Variants in TANK observed in about 807,000 individuals in gnomAD.
TANK encodes the protein TRAF family member-associated NF-kappa-B activator.
In TANK, 15 loss-of-function variants were observed where a neutral mutation model predicts 43.6. The ratio of observed to expected loss-of-function variants is 0.34; its 90% CI spans 0.23 to 0.53. The LOEUF is 0.53. TANK is among the 20% of genes least tolerant of loss of function. The probability of loss-of-function intolerance (pLI) is 0.94; values close to 1 mark genes in which losing one functional copy is unlikely to be tolerated. For missense variants in TANK, 417 were observed against 498.6 expected, an observed-to-expected ratio of 0.84 and a Z score of 1.56; for synonymous variants, 162 against 178.2, an observed-to-expected ratio of 0.91 and a Z score of 0.73.
At chr2:161,139,785 C>G in intron 1 of TANK, 4 of 985,390 alleles carry the variant, frequency 4.1e-6, no homozygotes, top group Non-Finnish European at 4.8e-6. Flanking sequence ...GTAACCCTAT[C>G]CAGGCATAGC....
At chr2:161,181,932 T>A (rs1365271801) in intron 2 of TANK, among the ~76,000 whole-genome samples, 1 of 151,930 alleles carries the variant, frequency 6.6e-6, no homozygotes, top group African/African-American at 2.4e-5. Context: ...AAAAAAAAAA[T>A]TACTAGCCTG....
chr2:161,207,723 T>C, intron 4 of TANK: 10 of 985,146 alleles, frequency 1.0e-5, no homozygotes, highest in Non-Finnish European at 1.2e-5. Context: ...CACCTTTAGC[T>C]AATACAGGTG....
At chr2:161,191,235 T>A (rs1182344071) in intron 2 of TANK, among the ~76,000 whole-genome samples, 1 of 152,202 alleles carries the variant, frequency 6.6e-6, no homozygotes, top group Non-Finnish European at 1.5e-5. Context: ...AACAGATAAG[T>A]GATTTTTAAA....
chr2:161,216,441 C>T (rs943423154), intron 4 of TANK: 5 of 468,794 alleles, frequency 1.1e-5, no homozygotes, highest in Admixed American at 9.5e-5. Flanking sequence ...TTATCCTGAG[C>T]CGTAAGCATA....
chr2:161,154,569 A>G (rs1295237039), intron 1 of TANK, among the ~76,000 whole-genome samples: 2 of 152,186 alleles, frequency 1.3e-5, no homozygotes, highest in Admixed American at 1.3e-4. Flanking sequence ...ATGGAGATAG[A>G]TAGTAGCAAT....
At chr2:161,184,452 A>G (rs1255737075) in intron 2 of TANK, among the ~76,000 whole-genome samples, 2 of 152,168 alleles carry the variant, frequency 1.3e-5, no homozygotes, top group African/African-American at 2.4e-5. Flanking sequence ...ATGTAGTTAT[A>G]TGATACATAA....
intron 1 of TANK, among the ~76,000 whole-genome samples, chr2:161,178,950 G>A (rs1248225345): frequency 6.6e-6 from 1 of 152,060 alleles, no homozygotes; most frequent in Non-Finnish European, 1.5e-5. Context: ...TGCAGACTGA[G>A]GTTATAAAAC....
chr2:161,164,780 G>T (rs1267675978), intron 1 of TANK, among the ~76,000 whole-genome samples: 1 of 152,040 alleles, frequency 6.6e-6, no homozygotes, highest in Non-Finnish European at 1.5e-5. Flanking sequence ...TTTTTTTAAA[G>T]TATATGGTTC....
chr2:161,191,935 C>A (rs1459840059), intron 2 of TANK, among the ~76,000 whole-genome samples: 1 of 151,952 alleles, frequency 6.6e-6, no homozygotes, highest in Admixed American at 6.6e-5. Flanking sequence ...TTACAGGCGC[C>A]CACCACCACG....
At chr2:161,169,879 A>C (rs189231128) in intron 1 of TANK, among the ~76,000 whole-genome samples, 1 of 152,180 alleles carries the variant, frequency 6.6e-6, no homozygotes, top group Admixed American at 6.5e-5. Context: ...TGTAAAGGGA[A>C]GACAATATAT....
Position 161,215,582 on chromosome 2 carries a change from AT to A in TANK, c.328-8328del, listed in dbSNP as rs1217551539. Reference sequence around the variant, plus strand: ...GCATACTAGGTACTCTGTTTTTTTAATTTTTAAAGGCGCAAGACTGTATCTG... The same window carrying A: ...GCATACTAGGTACTCTGTTTTTTTAATTTTAAAGGCGCAAGACTGTATCTG... On this transcript the variant is annotated intron_variant, in intron 4 of 7. Coordinates refer to ENST00000392749, the MANE Select transcript of TANK (RefSeq NM_001199135.3). 3.3e-5 allele frequency among the ~76,000 whole-genome samples: 5 copies of A among 152,222 alleles called. No homozygotes were observed. The East Asian group carries it at 5.8e-4, about 18-fold the overall frequency.
intron 4 of TANK, among the ~76,000 whole-genome samples, chr2:161,206,460 A>G (rs1686658356): frequency 6.6e-6 from 1 of 152,166 alleles, no homozygotes; most frequent in African/African-American, 2.4e-5. Context: ...CTGATTGCAT[A>G]ACTAAGACTA....
chr2:161,140,248 T>C (rs1444000515), intron 1 of TANK, among the ~76,000 whole-genome samples: 1 of 152,162 alleles, frequency 6.6e-6, no homozygotes, highest in East Asian at 1.9e-4. Context: ...GCATCCCCTT[T>C]TGAAAATAAT....
At chr2:161,178,591 T>C (rs114580302) in intron 1 of TANK, among the ~76,000 whole-genome samples, 2 of 152,070 alleles carry the variant, frequency 1.3e-5, no homozygotes, top group Non-Finnish European at 2.9e-5. Flanking sequence ...ATGGTGATGC[T>C]TGCACAACAT....
chr2:161,204,637 G>GT (rs1686565249), intron 3 of TANK, 38 bp from the exon 4 acceptor site: 1 of 1,574,330 alleles, frequency 6.4e-7, no homozygotes, highest in African/African-American at 1.4e-5. Context: ...CAAAAATAAG[G>GT]GTTTTCTGCT....
intron 1 of TANK, among the ~76,000 whole-genome samples, chr2:161,178,783 G>C (rs1407130714): frequency 6.6e-6 from 1 of 152,084 alleles, no homozygotes; most frequent in Non-Finnish European, 1.5e-5. Context: ...AAATAACTCG[G>C]TACCCAATAT....
intron 4 of TANK, among the ~76,000 whole-genome samples, chr2:161,222,446 GACTTAATAA>G (rs1419477980): frequency 6.6e-6 from 1 of 151,918 alleles, no homozygotes; most frequent in Non-Finnish European, 1.5e-5. Flanking sequence ...TGTTGATATA[GACTTAATAA>G]TAAAATCTTT....
intron 4 of TANK, chr2:161,222,842 A>G (rs993857313): frequency 1.3e-5 from 2 of 152,172 alleles, no homozygotes; most frequent in East Asian, 1.9e-4. Context: ...ATAATACTCT[A>G]TATATTTAAA....
At chr2:161,155,904 C>G (rs973413124), upstream of TANK, 16 of 335,328 alleles carry the variant, frequency 4.8e-5, no homozygotes, top group African/African-American at 3.6e-4. Context: ...TCTTAGTGAT[C>G]TTTCTATCCC....
Sources: gnomAD v4.1 joint callset for allele counts (sites outside exome capture counted in the v4.1 genomes callset) on GRCh38, gnomAD v4.1.1 for gene constraint, MANE v1.5 for transcripts, NCBI Gene and HGNC (gene_info 2026-07-23, HGNC 2026-07-21) for gene names.